The following SNTG1 variants were observed in gnomAD, a reference collection of about 807,000 sequenced individuals.
The protein encoded by SNTG1 is syntrophin gamma 1, also known as gamma-1-syntrophin.
In SNTG1, 39 loss-of-function variants were observed where a neutral mutation model predicts 74.7. That is an observed-to-expected ratio of 0.52 (90% CI 0.40 to 0.68). SNTG1 has a LOEUF of 0.68. Ranked by LOEUF, SNTG1 falls within the 30% of genes least tolerant of loss-of-function variation. The probability of loss-of-function intolerance (pLI) is 0.00; values close to 1 mark genes in which losing one functional copy is unlikely to be tolerated. For synonymous variants in SNTG1, 254 were observed against 217.1 expected, an observed-to-expected ratio of 1.17 and a Z score of -1.49; for missense variants, 685 against 609.5, an observed-to-expected ratio of 1.12 and a Z score of -1.30.
chr8:50,610,119 T>C (rs565679016), intron 13 of SNTG1, among the ~76,000 whole-genome samples: 2 of 152,204 alleles, frequency 1.3e-5, no homozygotes, highest in Non-Finnish European at 2.9e-5. Context: ...TTTTTAATTG[T>C]GTCTTATTGT....
intron 17 of SNTG1, among the ~76,000 whole-genome samples, chr8:50,722,378 G>A (rs922590966): frequency 4.6e-5 from 7 of 151,792 alleles, no homozygotes; most frequent in African/African-American, 9.7e-5. Flanking sequence ...TTTTTACCAT[G>A]TTGGCCAGGC....
chr8:50,722,827 A>G (rs1189615917), intron 17 of SNTG1, among the ~76,000 whole-genome samples: 1 of 152,218 alleles, frequency 6.6e-6, no homozygotes, highest in African/African-American at 2.4e-5. Context: ...AATTCAAGAA[A>G]AATTATATGC....
chr8:50,722,544 T>G (rs1414441248), intron 17 of SNTG1, among the ~76,000 whole-genome samples: 1 of 152,208 alleles, frequency 6.6e-6, no homozygotes, highest in Non-Finnish European at 1.5e-5. Context: ...TTGCATGCAT[T>G]CCTTCAAATA....
At chr8:50,479,554 A>C (rs1475757450) in intron 8 of SNTG1, among the ~76,000 whole-genome samples, 2 of 152,038 alleles carry the variant, frequency 1.3e-5, no homozygotes, top group African/African-American at 4.8e-5. Context: ...TTGATGCCTC[A>C]TTTAGCTCCT....
chr8:50,308,036 T>C (rs959907503), intron 2 of SNTG1, among the ~76,000 whole-genome samples: 1 of 151,952 alleles, frequency 6.6e-6, no homozygotes, highest in East Asian at 1.9e-4. Context: ...CAGGGCTTTG[T>C]TCTGAAGAAA....
intron 18 of SNTG1, among the ~76,000 whole-genome samples, chr8:50,789,247 C>T (rs1325036870): frequency 6.6e-6 from 1 of 151,918 alleles, no homozygotes; most frequent in Non-Finnish European, 1.5e-5. Context: ...ATTCAATGGT[C>T]AATTTCCAGC....
At chr8:50,553,245 A>G (rs2130609543) in intron 12 of SNTG1, 66 bp downstream of exon 12, 1 of 1,579,704 alleles carries the variant, frequency 6.3e-7, no homozygotes, top group Non-Finnish European at 8.6e-7. Flanking sequence ...TTCAGTATAT[A>G]TGTAACTTCA....
chr8:50,734,356 G>A (rs1316628090), intron 17 of SNTG1, among the ~76,000 whole-genome samples: 2 of 151,296 alleles, frequency 1.3e-5, no homozygotes, highest in Non-Finnish European at 3.0e-5. Context: ...TAATTATCTA[G>A]CAAAATACTC....
chr8:50,594,092 G>A (rs2094710813), intron 13 of SNTG1, among the ~76,000 whole-genome samples: 1 of 152,140 alleles, frequency 6.6e-6, no homozygotes, highest in Admixed American at 6.5e-5. Context: ...AAAGATGAAA[G>A]GCGGGACAGT....
chr8:50,457,605 A>G (rs540735689), intron 8 of SNTG1, among the ~76,000 whole-genome samples: 64 of 152,284 alleles, frequency 4.2e-4, no homozygotes, highest in African/African-American at 1.5e-3. Context: ...AGGAGAAGAG[A>G]AGACAGGGGG....
At chr8:49,914,039 C>G (rs967107) in intron 1 of SNTG1, among the ~76,000 whole-genome samples, 125,994 of 152,086 alleles carry the variant, frequency 0.83, 54,269 homozygotes, top group Non-Finnish European at 0.94. Context: ...ACTCATGAAA[C>G]TGCATGGAAA....
intron 1 of SNTG1, among the ~76,000 whole-genome samples, chr8:50,152,986 A>T (rs1397363825): frequency 2.0e-5 from 3 of 152,312 alleles, no homozygotes; most frequent in African/African-American, 7.2e-5. Context: ...CCTGGATAAT[A>T]TCATGAGGAG....
At chr8:50,583,174 G>A (rs947821052) in intron 12 of SNTG1, among the ~76,000 whole-genome samples, 6 of 151,912 alleles carry the variant, frequency 3.9e-5, no homozygotes, top group Admixed American at 2.0e-4. Context: ...AAGCCGAGGC[G>A]AGTGGATCAC....
intron 8 of SNTG1, among the ~76,000 whole-genome samples, chr8:50,465,680 C>T (rs1170867673): frequency 1.3e-5 from 2 of 152,120 alleles, no homozygotes; most frequent in Non-Finnish European, 2.9e-5. Flanking sequence ...TAACAGAATG[C>T]CAAGTAATTA....
intron 1 of SNTG1, among the ~76,000 whole-genome samples, chr8:50,036,947 T>C (rs1187003885): frequency 1.3e-5 from 2 of 152,242 alleles, no homozygotes; most frequent in African/African-American, 2.4e-5. Context: ...TAAGGTTATA[T>C]AATCTGCAAT....
At chr8:50,152,317 G>T (rs1198884270) in intron 1 of SNTG1, among the ~76,000 whole-genome samples, 1 of 152,020 alleles carries the variant, frequency 6.6e-6, no homozygotes, top group African/African-American at 2.4e-5. Context: ...ACATGAGATG[G>T]GTCTCCTGAA....
chr8:50,009,434 C>T (rs1275046309), intron 1 of SNTG1, among the ~76,000 whole-genome samples: 1 of 152,094 alleles, frequency 6.6e-6, no homozygotes, highest in East Asian at 1.9e-4. Flanking sequence ...ATGTTTTTCA[C>T]CTTTCGTGTA....
chr8:50,003,544 A>G (rs1047138270), intron 1 of SNTG1, among the ~76,000 whole-genome samples: 3 of 152,164 alleles, frequency 2.0e-5, no homozygotes, highest in Non-Finnish European at 4.4e-5. Flanking sequence ...TGCATTTTAA[A>G]TGTTGATGTA....
At chr8:49,984,852 G>C (rs1305683929) in intron 1 of SNTG1, among the ~76,000 whole-genome samples, 3 of 151,882 alleles carry the variant, frequency 2.0e-5, no homozygotes, top group African/African-American at 7.3e-5. Flanking sequence ...TTGGCTGGAG[G>C]TGTGTCATGG....
Sources: gnomAD v4.1 joint callset for allele counts (sites outside exome capture counted in the v4.1 genomes callset) on GRCh38, gnomAD v4.1.1 for gene constraint, MANE v1.5 for transcripts, NCBI Gene and HGNC (gene_info 2026-07-23, HGNC 2026-07-21) for gene names.